The following CYP2C19 variants were observed in gnomAD, a reference collection of about 807,000 sequenced individuals.
The protein encoded by CYP2C19 is cytochrome P450 2C19.
Under a neutral mutation model 40.9 loss-of-function variants are expected in CYP2C19, and 59 were observed. The observed-to-expected ratio is 1.44, with a 90% confidence interval of 1.17 to 1.79. The LOEUF is 1.79. CYP2C19 is among the 40% of genes most tolerant of loss of function. The probability of loss-of-function intolerance (pLI) is 0.00; values close to 1 mark genes in which losing one functional copy is unlikely to be tolerated. For missense variants in CYP2C19, 754 were observed against 596.9 expected (o/e 1.26, Z -2.74); for synonymous variants, 253 against 208.7 (o/e 1.21, Z -1.83).
At chr10:94,793,997 G>T (rs533550387) in intron 5 of CYP2C19, among the ~76,000 whole-genome samples, 109 of 152,264 alleles carry the variant, frequency 7.2e-4, no homozygotes, top group South Asian at 2.3e-3. Context: ...TTGAGGTGCG[G>T]TGGTCTCCAC....
At chr10:94,817,920 G>A (rs1191786240) in intron 5 of CYP2C19, among the ~76,000 whole-genome samples, 4 of 149,162 alleles carry the variant, frequency 2.7e-5, no homozygotes, top group East Asian at 2.0e-4. Flanking sequence ...GGCTGAGGCA[G>A]GAGAATGGCG....
At chr10:94,774,831 A>T in intron 1 of CYP2C19, 1 of 555,028 alleles carries the variant, frequency 1.8e-6, no homozygotes, top group Non-Finnish European at 3.2e-6. Context: ...GTGAGGGTTA[A>T]TTGTAATCTG....
intron 5 of CYP2C19, among the ~76,000 whole-genome samples, chr10:94,795,241 A>G (rs1848665981): frequency 7.0e-6 from 1 of 143,668 alleles, no homozygotes; most frequent in Admixed American, 7.5e-5. Flanking sequence ...CCTATGAGTG[A>G]GAACATACGG....
intron 5 of CYP2C19, among the ~76,000 whole-genome samples, chr10:94,813,205 A>C (rs1246619747): frequency 1.3e-5 from 2 of 152,220 alleles, no homozygotes; most frequent in East Asian, 3.9e-4. Context: ...GAGGCCACAG[A>C]ACAGCAAAGA....
At position 94,853,693 on chromosome 10, in the gene CYP2C19, G is replaced by T. The variant is rs953653590; in HGVS notation, c.*779G>T. 6.6e-6 allele frequency among the ~76,000 whole-genome samples: 1 copy of T among 151,408 alleles called. No homozygotes were observed. The highest frequency in any genetic ancestry group is 2.4e-5 in the African/African-American group (1 of 41,210). On this transcript the variant is annotated 3_prime_UTR_variant, in exon 9 of 9. Coordinates refer to ENST00000371321, the MANE Select transcript of CYP2C19 (RefSeq NM_000769.4). ...CCTGAGTAGCTGGGATTACAGACAC[G>T]TGCCACCATGCCTGGCTAATTTTTT...
intron 6 of CYP2C19, among the ~76,000 whole-genome samples, chr10:94,839,425 G>A (rs533231352): frequency 6.6e-6 from 1 of 152,286 alleles, no homozygotes; most frequent in East Asian, 1.9e-4. Flanking sequence ...AGGGGTCCGG[G>A]CTGCTGGGTT....
At chr10:94,843,070 T>C in intron 7 of CYP2C19, 46 bp downstream of exon 7, 1 of 1,602,154 alleles carries the variant, frequency 6.2e-7, no homozygotes, top group Non-Finnish European at 8.6e-7. Flanking sequence ...CTTTTATTCC[T>C]CAAATTCACA....
chr10:94,810,422 G>A (rs1220296142), intron 5 of CYP2C19, among the ~76,000 whole-genome samples: 2 of 152,098 alleles, frequency 1.3e-5, no homozygotes, highest in Non-Finnish European at 2.9e-5. Flanking sequence ...GAAAGAGTCT[G>A]TCTTTTTCTA....
intron 5 of CYP2C19, among the ~76,000 whole-genome samples, chr10:94,812,202 C>T (rs923636198): frequency 1.2e-4 from 19 of 152,102 alleles, no homozygotes; most frequent in African/African-American, 4.6e-4. Flanking sequence ...GAATATTGGC[C>T]CCCACTCTCC....
At chr10:94,837,149 A>G (rs1849417121) in intron 6 of CYP2C19, among the ~76,000 whole-genome samples, 1 of 152,204 alleles carries the variant, frequency 6.6e-6, no homozygotes, top group South Asian at 2.1e-4. Context: ...TAGAGGGACA[A>G]CAGCCTCACT....
chr10:94,773,477 C>G (rs919670014), intron 1 of CYP2C19, among the ~76,000 whole-genome samples: 2 of 152,136 alleles, frequency 1.3e-5, no homozygotes, highest in Non-Finnish European at 2.9e-5. Flanking sequence ...GTTGTTCATT[C>G]CTCCTGGTGG....
rs964291981 is a variant in CYP2C19, at chr10:94,854,339, ATTACCAGGGTTTAATCT to A, written c.*1428_*1444del. Among the ~76,000 whole-genome samples the A allele has an allele frequency of 5.3e-5, 8 of 152,198 alleles. 1 individual carries two copies. Among genetic ancestry groups the A allele is most frequent in the Admixed American group, 2.0e-4 (3 of 15,260 alleles). ...TGGCTGAACAAAATTTCTAAGAAGAATTACCAGGGTTTAATCTTTTTCAGCTTCTCCTATATTGTTTT... is the reference window on the plus strand; with the variant it reads ...TGGCTGAACAAAATTTCTAAGAAGAATTTTCAGCTTCTCCTATATTGTTTT... On this transcript the variant is annotated 3_prime_UTR_variant, in exon 9 of 9. Coordinates refer to ENST00000371321, the MANE Select transcript of CYP2C19 (RefSeq NM_000769.4).
intron 5 of CYP2C19, among the ~76,000 whole-genome samples, chr10:94,811,264 G>A (rs531474024): frequency 5.8e-4 from 88 of 152,252 alleles, no homozygotes; most frequent in African/African-American, 1.8e-3. Context: ...TTTAATTTCT[G>A]TTCTTTTGTA....
At chr10:94,841,333 G>T (rs1050209840) in intron 6 of CYP2C19, among the ~76,000 whole-genome samples, 1 of 152,160 alleles carries the variant, frequency 6.6e-6, no homozygotes, top group Non-Finnish European at 1.5e-5. Context: ...TGGATCAGGA[G>T]CACAGCAGAC....
At chr10:94,845,382 G>A (rs1054489676) in intron 7 of CYP2C19, among the ~76,000 whole-genome samples, 2 of 152,084 alleles carry the variant, frequency 1.3e-5, no homozygotes, top group Non-Finnish European at 2.9e-5. Context: ...ATTTGCATTT[G>A]TTCAATGTAA....
chr10:94,833,613 C>G (rs1273267686), intron 6 of CYP2C19, among the ~76,000 whole-genome samples: 1 of 152,130 alleles, frequency 6.6e-6, no homozygotes, highest in Non-Finnish European at 1.5e-5. Context: ...GAATACTATG[C>G]AGCCATAAAA....
intron 7 of CYP2C19, among the ~76,000 whole-genome samples, chr10:94,849,044 C>T (rs1484810932): frequency 6.6e-6 from 1 of 152,164 alleles, no homozygotes; most frequent in African/African-American, 2.4e-5. Context: ...TAGACTTCAT[C>T]TTTTCCTAAT....
intron 3 of CYP2C19, among the ~76,000 whole-genome samples, chr10:94,777,076 T>C (rs746530110): frequency 3.2e-4 from 48 of 152,036 alleles, no homozygotes; most frequent in Non-Finnish European, 6.3e-4. Context: ...ATAAAATGGC[T>C]AGAAATACAA....
chr10:94,781,258 T>G (rs1487408545), intron 4 of CYP2C19, among the ~76,000 whole-genome samples: 1 of 152,156 alleles, frequency 6.6e-6, no homozygotes, highest in African/African-American at 2.4e-5. Flanking sequence ...CTGTGCTGAA[T>G]TGGCATGTTT....
Sources: allele counts gnomAD v4.1 joint callset (sites outside exome capture counted in the v4.1 genomes callset), GRCh38; gene constraint gnomAD v4.1.1; transcripts MANE v1.5; gene names NCBI Gene and HGNC (gene_info 2026-07-23, HGNC 2026-07-21).